Variants in DACH2 observed in about 807,000 individuals in gnomAD.
DACH2 encodes dachshund family transcription factor 2.
In DACH2, 17 loss-of-function variants were observed where a neutral mutation model predicts 35.8. The ratio of observed to expected loss-of-function variants is 0.48; its 90% confidence interval spans 0.33 to 0.71. The LOEUF (loss-of-function observed/expected upper bound fraction) is 0.71, where lower values mean the gene tolerates loss of function less well. Among genes scored for constraint, DACH2 ranks in the 30% least tolerant of loss-of-function variants. DACH2 has a pLI of 0.02. For missense variants in DACH2, 469 were observed against 472.7 expected (o/e 0.99, Z 0.07); for synonymous variants, 195 against 177.3 (o/e 1.10, Z -0.79).
At chrX:86,518,595 T>A (rs2038507045) in intron 3 of DACH2, among the ~76,000 whole-genome samples, 1 of 111,881 alleles carries the variant, frequency 8.9e-6, no homozygotes, top group Non-Finnish European at 1.9e-5. Context: ...GTAATTCTCA[T>A]TGTAGAGATT....
chrX:86,454,249 G>A (rs774182846), intron 2 of DACH2, among the ~76,000 whole-genome samples: 2 of 111,252 alleles, frequency 1.8e-5, no homozygotes, highest in African/African-American at 3.3e-5. Flanking sequence ...TGAGGATTAT[G>A]TGTCTTGGGG....
intron 2 of DACH2, among the ~76,000 whole-genome samples, chrX:86,484,602 G>T (rs1257351564): frequency 4.5e-5 from 5 of 112,114 alleles, no homozygotes; most frequent in Non-Finnish European, 9.4e-5. Context: ...TCTTTAGAAA[G>T]AAGTGGGTGA....
chrX:86,602,099 G>A (rs1296636629), intron 3 of DACH2, among the ~76,000 whole-genome samples: 2 of 112,011 alleles, frequency 1.8e-5, no homozygotes, highest in African/African-American at 6.5e-5. Flanking sequence ...ATTCAAGAAT[G>A]CAATATTAAC....
chrX:86,781,723 G>A (rs1308170723), intron 7 of DACH2, among the ~76,000 whole-genome samples: 1 of 111,345 alleles, frequency 9.0e-6, no homozygotes, highest in Non-Finnish European at 1.9e-5. Flanking sequence ...CCCACAGCTA[G>A]TATCACACTG....
intron 1 of DACH2, among the ~76,000 whole-genome samples, chrX:86,155,794 C>G (rs1266251429): frequency 9.1e-6 from 1 of 110,496 alleles, no homozygotes; most frequent in African/African-American, 3.3e-5. Context: ...TTTATTCCTA[C>G]CTTTATTAGA....
chrX:86,818,385 T>C (rs1398696360), intron 11 of DACH2, among the ~76,000 whole-genome samples: 1 of 111,308 alleles, frequency 9.0e-6, no homozygotes, highest in Admixed American at 9.6e-5. Flanking sequence ...ATCAGTCAGG[T>C]CAAATAATTA....
intron 4 of DACH2, among the ~76,000 whole-genome samples, chrX:86,670,174 G>A (rs1650808023): frequency 9.0e-6 from 1 of 111,140 alleles, no homozygotes; most frequent in Non-Finnish European, 1.9e-5. Context: ...CTAGAATAGT[G>A]TCTTACATAA....
At chrX:86,455,649 G>A (rs1325535089) in intron 2 of DACH2, among the ~76,000 whole-genome samples, 1 of 112,732 alleles carries the variant, frequency 8.9e-6, no homozygotes, top group Non-Finnish European at 1.9e-5. Flanking sequence ...AGGCTGGAAT[G>A]TATGCGTTTA....
intron 3 of DACH2, among the ~76,000 whole-genome samples, chrX:86,610,422 C>CTTTCTT (rs1569452365): frequency 1.1e-4 from 5 of 45,894 alleles, no homozygotes; most frequent in African/African-American, 5.2e-4. Flanking sequence ...TCTTTCTTTT[C>CTTTCTT]TTTCTTTCTT....
At chrX:86,246,018 A>G (rs2033274270) in intron 1 of DACH2, among the ~76,000 whole-genome samples, 1 of 111,823 alleles carries the variant, frequency 8.9e-6, no homozygotes, top group African/African-American at 3.2e-5. Context: ...GAATTTCACA[A>G]TACAATCAGA....
At chrX:86,382,504 A>ACACACG (rs1164764855) in intron 2 of DACH2, among the ~76,000 whole-genome samples, 1 of 95,275 alleles carries the variant, frequency 1.0e-5, no homozygotes, top group African/African-American at 3.8e-5. Context: ...ACACACACAC[A>ACACACG]CGTCCTCTTG....
intron 2 of DACH2, among the ~76,000 whole-genome samples, chrX:86,490,081 G>A (rs1223897882): frequency 8.9e-6 from 1 of 111,939 alleles, no homozygotes; most frequent in Non-Finnish European, 1.9e-5. Context: ...CCATTTGGAC[G>A]TAGTTGCATC....
At chrX:86,444,137 C>A (rs1176605745) in intron 2 of DACH2, among the ~76,000 whole-genome samples, 1 of 111,760 alleles carries the variant, frequency 8.9e-6, no homozygotes, top group Non-Finnish European at 1.9e-5. Context: ...GTCACCCAGG[C>A]TGGAATGCAG....
intron 10 of DACH2, 72 bp from the exon 11 acceptor site, chrX:86,815,962 C>G (rs2042447259): frequency 3.4e-6 from 3 of 894,180 alleles, no homozygotes; most frequent in Admixed American, 3.0e-5. Flanking sequence ...TACTGGCTTA[C>G]TGGAGTTTTC....
At chrX:86,456,113 G>A (rs751336374) in intron 2 of DACH2, among the ~76,000 whole-genome samples, 2 of 112,032 alleles carry the variant, frequency 1.8e-5, no homozygotes, top group East Asian at 5.7e-4. Context: ...CTCGTGGTTG[G>A]GCCTTCACCC....
In DACH2 at chrX:86,796,851, C is replaced by T. The variant is rs764303835; in HGVS notation, c.1241-16005C>T. 8.1e-5 allele frequency among the ~76,000 whole-genome samples: 9 copies of T among 111,465 alleles called. No individual in the cohort carries two copies. The South Asian group carries it at 3.3e-3, about 41-fold the overall frequency. On this transcript the variant is annotated intron_variant, in intron 7 of 11. Transcript: ENST00000373125. ...TTGCAGGGGATATGTTCCAAAACCTCTGGTAGTTGCCTACAACAGTGAAGA... is the reference window on the plus strand; with the variant it reads ...TTGCAGGGGATATGTTCCAAAACCTTTGGTAGTTGCCTACAACAGTGAAGA...
intron 1 of DACH2, among the ~76,000 whole-genome samples, chrX:86,274,700 G>T (rs1489316668): frequency 9.2e-6 from 1 of 108,329 alleles, no homozygotes; most frequent in Admixed American, 1.0e-4. Flanking sequence ...GGGTTTCACC[G>T]TGTTAGCCAG....
intron 2 of DACH2, among the ~76,000 whole-genome samples, chrX:86,413,748 G>C (rs889970315): frequency 9.0e-6 from 1 of 111,062 alleles, no homozygotes; most frequent in Admixed American, 9.6e-5. Flanking sequence ...TCAATGTGGG[G>C]GGTTCCTTCA....
intron 1 of DACH2, among the ~76,000 whole-genome samples, chrX:86,273,609 A>G (rs1451329031): frequency 8.9e-6 from 1 of 112,120 alleles, no homozygotes; most frequent in Non-Finnish European, 1.9e-5. Flanking sequence ...TTCAGCATAC[A>G]CCATCTACAT....
Sources: allele counts gnomAD v4.1 joint callset (sites outside exome capture counted in the v4.1 genomes callset), GRCh38; gene constraint gnomAD v4.1.1; transcripts MANE v1.5; gene names NCBI Gene and HGNC (gene_info 2026-07-23, HGNC 2026-07-21).